The following ATP2B4 variants were observed in gnomAD, a reference collection of about 807,000 sequenced individuals.
The protein encoded by ATP2B4 is plasma membrane calcium-transporting ATPase 4.
A neutral mutation model predicts 110.3 loss-of-function variants in ATP2B4; 39 were observed. The observed-to-expected ratio is 0.35, with a 90% CI of 0.27 to 0.46. The LOEUF (loss-of-function observed/expected upper bound fraction) is 0.46. ATP2B4 is among the 20% of genes least tolerant of loss of function. The pLI is 1.00. For missense variants in ATP2B4, 1,135 were observed against 1,530.9 expected, an observed-to-expected ratio of 0.74 and a Z score of 4.32; for synonymous variants, 538 against 571.7, an observed-to-expected ratio of 0.94 and a Z score of 0.84.
At chr1:203,704,002 GA>G (rs1228176121) in intron 8 of ATP2B4, among the ~76,000 whole-genome samples, 189 bp downstream of exon 8, 2 of 152,174 alleles carry the variant, frequency 1.3e-5, no homozygotes, top group East Asian at 3.8e-4. Flanking sequence ...TTTTCAGAGA[GA>G]AATGTTTTCC....
Position 203,707,923 on chromosome 1 carries a change from C to T in ATP2B4, c.1376C>T (p.Ala459Val), listed in dbSNP as rs766073773. ...GATGCTTGTGAGACCATGGGCAACG[C>T]CACCGCCATCTGCTCTGATAAGACA... ...HLDACETMGN[A>V]TAICSDKTGT... The change falls in exon 10 of 21, where the codon GCC becomes GTC. Residue 459 changes from alanine (A) to valine (V), a missense_variant. By Grantham distance (64) the Ala-to-Val change is moderately conservative. Transcript: ENST00000357681. The T allele has an allele frequency of 2.5e-6, 4 of 1,614,074 alleles. No homozygotes were observed. In the East Asian group the frequency reaches 8.9e-5, roughly 36 times the overall value.
chr1:203,673,177 C>T (rs1664725639), intron 1 of ATP2B4, among the ~76,000 whole-genome samples: 1 of 152,190 alleles, frequency 6.6e-6, no homozygotes, highest in Non-Finnish European at 1.5e-5. Flanking sequence ...TGCATCAGCT[C>T]ACCCTGTTAA....
chr1:203,724,635 C>T (rs1169035304), intron 19 of ATP2B4, among the ~76,000 whole-genome samples: 2 of 152,058 alleles, frequency 1.3e-5, no homozygotes, highest in East Asian at 1.9e-4. Context: ...GAAGAGTTTA[C>T]AAGACACATG....
In ATP2B4 at chr1:203,629,103, C is replaced by T. The variant is rs111683675; in HGVS notation, c.-465+1884C>T. Among the ~76,000 whole-genome samples, 880 of 152,270 alleles carry T rather than the reference C, an allele frequency of 5.8e-3. 9 individuals carry two copies. Among genetic ancestry groups the T allele is most frequent in the African/African-American group, 0.02 (844 of 41,542 alleles). On this transcript the variant is annotated intron_variant, in intron 1 of 20. Transcript: ENST00000357681. This position sits in a 1 kb window ranked among gnomAD's most constrained non-coding sequence, Gnocchi z 4.6. ...ACTTAGAGGAGAGCTCATCTCGGGGCTGGGGATGCAACAGGAACGATTTGA... is the reference window on the plus strand; with the variant it reads ...ACTTAGAGGAGAGCTCATCTCGGGGTTGGGGATGCAACAGGAACGATTTGA...
intron 1 of ATP2B4, among the ~76,000 whole-genome samples, chr1:203,677,116 C>G (rs1037702194): frequency 6.6e-6 from 1 of 151,946 alleles, no homozygotes; most frequent in African/African-American, 2.4e-5. Context: ...CTATATTTCC[C>G]TGCTATAAGA....
At chr1:203,718,638 C>A (rs1265242312) in intron 15 of ATP2B4, among the ~76,000 whole-genome samples, 1 of 152,026 alleles carries the variant, frequency 6.6e-6, no homozygotes, top group Non-Finnish European at 1.5e-5. Flanking sequence ...ATGTTTGTAT[C>A]CCTTAAGCTG....
chr1:203,648,286 T>C (rs1326686545), intron 1 of ATP2B4, among the ~76,000 whole-genome samples: 1 of 151,348 alleles, frequency 6.6e-6, no homozygotes, highest in Non-Finnish European at 1.5e-5. Context: ...AAAAGAAGTG[T>C]TTTTTTTAAA....
intron 2 of ATP2B4, among the ~76,000 whole-genome samples, chr1:203,684,955 C>G (rs1041077723): frequency 6.6e-6 from 1 of 152,106 alleles, no homozygotes; most frequent in Non-Finnish European, 1.5e-5. Context: ...CCTCCACCTC[C>G]TGGATTCAAG....
chr1:203,703,164 CGAGA>C lies in ATP2B4; in HGVS notation c.938-457_938-454del, dbSNP rs144760902. ...GGGTATGTGTTTCTTCCCTGACAAT[CGAGA>C]GAGAGAGAGAGAGAGAGAGAGAGAG... On this transcript the variant is annotated intron_variant, in intron 7 of 20. Coordinates refer to ENST00000357681, the MANE Select transcript of ATP2B4 (RefSeq NM_001684.5). 8.2e-3 allele frequency among the ~76,000 whole-genome samples: 1,187 copies of C among 145,140 alleles called. 9 individuals are homozygous for C. Among genetic ancestry groups the C allele is most frequent in the East Asian group, 0.017 (86 of 4,934 alleles).
At chr1:203,715,447 G>A (rs1558048498) in intron 15 of ATP2B4, among the ~76,000 whole-genome samples, 2 of 142,368 alleles carry the variant, frequency 1.4e-5, no homozygotes, top group South Asian at 2.5e-4. Context: ...TAGCTACTCC[G>A]GAGGCTGAGG....
intron 20 of ATP2B4, among the ~76,000 whole-genome samples, chr1:203,737,183 C>T (rs545797684): frequency 1.7e-4 from 26 of 152,314 alleles, no homozygotes; most frequent in African/African-American, 4.3e-4. Context: ...AACAGGGCTC[C>T]AGACCCTCAC....
At chr1:203,694,632 G>T (rs778171030) in intron 2 of ATP2B4, among the ~76,000 whole-genome samples, 1 of 152,024 alleles carries the variant, frequency 6.6e-6, no homozygotes, top group Non-Finnish European at 1.5e-5. Context: ...GAGTCATAAG[G>T]GTCCTGGAAG....
chr1:203,714,130 G>C, intron 14 of ATP2B4, 41 bp from the exon 15 acceptor site: 1 of 1,578,302 alleles, frequency 6.3e-7, no homozygotes, highest in Non-Finnish European at 8.7e-7. Flanking sequence ...AAGGGTGGGG[G>C]AGACCAGAAA....
intron 1 of ATP2B4, among the ~76,000 whole-genome samples, chr1:203,682,394 A>G (rs1381721798): frequency 6.6e-6 from 1 of 152,190 alleles, no homozygotes; most frequent in African/African-American, 2.4e-5. Flanking sequence ...AGGTCCCTCA[A>G]ATAGACAGGG....
chr1:203,657,825 C>T, intron 1 of ATP2B4: 1 of 502,870 alleles, frequency 2.0e-6, no homozygotes. Context: ...ATTTTAAGGT[C>T]TCAGAGACTC....
chr1:203,720,892 A>G (rs949084053), intron 16 of ATP2B4, 152 bp downstream of exon 16: 27 of 1,001,512 alleles, frequency 2.7e-5, no homozygotes, highest in Non-Finnish European at 3.9e-5. Flanking sequence ...TGCTGTCTTC[A>G]TCTGCTTATG....
intron 1 of ATP2B4, among the ~76,000 whole-genome samples, chr1:203,660,508 G>A (rs1664304302): frequency 6.6e-6 from 1 of 151,960 alleles, no homozygotes; most frequent in Admixed American, 6.6e-5. Context: ...CGGAGGTGGG[G>A]GGTGGGGGGA....
intron 1 of ATP2B4, among the ~76,000 whole-genome samples, chr1:203,631,740 C>T (rs1663274424): frequency 6.6e-6 from 1 of 152,120 alleles, no homozygotes; most frequent in Admixed American, 6.5e-5. Context: ...GGAATTTATC[C>T]AGAAGGTGCT....
intron 1 of ATP2B4, among the ~76,000 whole-genome samples, chr1:203,665,336 G>A (rs895236337): frequency 3.3e-5 from 5 of 152,248 alleles, no homozygotes; most frequent in African/African-American, 1.2e-4. Flanking sequence ...GCTGTGATGA[G>A]CTCTCTCCTG....
Sources: allele counts gnomAD v4.1 joint callset (sites outside exome capture counted in the v4.1 genomes callset), GRCh38; gene constraint gnomAD v4.1.1; non-coding constraint Gnocchi (gnomAD v3.1); transcripts MANE v1.5; gene names NCBI Gene and HGNC (gene_info 2026-07-23, HGNC 2026-07-21).